Variants in SERTAD1 observed in about 807,000 individuals in gnomAD.
SERTAD1 encodes SERTA domain-containing protein 1.
In SERTAD1, 5 loss-of-function variants were observed where a neutral mutation model predicts 11.7. The ratio of observed to expected loss-of-function variants is 0.43; its 90% CI spans 0.22 to 0.90. SERTAD1 has a LOEUF of 0.90. SERTAD1 is among the 40% of genes least tolerant of loss of function. The pLI, the probability that SERTAD1 is intolerant of heterozygous loss-of-function variation, is 0.27. For missense variants in SERTAD1, 287 were observed against 313.9 expected (o/e 0.91, Z 0.65); for synonymous variants, 139 against 141.4 (o/e 0.98, Z 0.12).
chr19:40,423,592 C>G (rs754940445), intron 1 of SERTAD1, 46 bp from the exon 2 acceptor site: 8 of 1,275,308 alleles, frequency 6.3e-6, no homozygotes, highest in Non-Finnish European at 8.7e-6. Context: ...TTATAGAAAA[C>G]AAATGTTAAG....
chr19:40,422,686 T>G lies in SERTAD1; in HGVS notation c.*150A>C. 1.3e-6 allele frequency: 1 copy of G among 793,334 alleles called. No homozygotes were observed. The highest frequency in any genetic ancestry group is 2.8e-5 in the East Asian group (1 of 35,850). The allele number at this position is 793,334 out of a possible 1,614,324, so 49.1% of individuals were successfully genotyped here. ...GCCAGCCCTGAGACAGGAGGACGGATGTGAAGTTGCCCAGGACTAGATTCT... is the reference window on the plus strand; with the variant it reads ...GCCAGCCCTGAGACAGGAGGACGGAGGTGAAGTTGCCCAGGACTAGATTCT... On this transcript the variant is annotated 3_prime_UTR_variant, in exon 2 of 2. Transcript: ENST00000357949.
intron 1 of SERTAD1, among the ~76,000 whole-genome samples, chr19:40,424,628 G>A (rs1476018407): frequency 6.6e-6 from 1 of 152,206 alleles, no homozygotes. Context: ...CCTGTAAGGA[G>A]GTGACATTTG....
intron 1 of SERTAD1, among the ~76,000 whole-genome samples, chr19:40,423,857 G>A (rs1393524071): frequency 6.6e-6 from 1 of 151,900 alleles, no homozygotes; most frequent in Middle Eastern, 3.2e-3. Context: ...CTCCCCAAAA[G>A]CTAGGATTAC....
chr19:40,422,617 G>C lies in SERTAD1; in HGVS notation c.*219C>G. The C allele has an allele frequency of 1.8e-6, 1 of 563,014 alleles. No homozygotes were observed. Among genetic ancestry groups the C allele is most frequent in the Non-Finnish European group, 3.1e-6 (1 of 322,714 alleles). The allele number at this position is 563,014 out of a possible 1,614,324, so 34.9% of individuals were successfully genotyped here. ...GGGCCAGGGAATTCAGTCCCCACCAGACCCTGTCATTCCATCACTAGGGGG... is the reference window on the plus strand; with the variant it reads ...GGGCCAGGGAATTCAGTCCCCACCACACCCTGTCATTCCATCACTAGGGGG... On this transcript the variant is annotated 3_prime_UTR_variant, in exon 2 of 2. Transcript: ENST00000357949.
chr19:40,423,305 A>T lies in SERTAD1; in HGVS notation c.242T>A (p.Met81Lys), dbSNP rs142064816. 155 of 1,609,330 alleles carry T rather than the reference A, an allele frequency of 9.6e-5. No individual in the cohort carries two copies. The highest frequency in any genetic ancestry group is 1.7e-4 in the Middle Eastern group (1 of 6,040). Residue 81 changes from methionine to lysine, a missense_variant, in exon 2 of 2, where the codon ATG (methionine) becomes AAG (lysine). Physicochemically the swap from Met to Lys is moderately conservative, Grantham distance 95. Coordinates refer to ENST00000357949, the MANE Select transcript of SERTAD1 (RefSeq NM_013376.4). Reference protein sequence around the residue: ...VNTLRRIQASMAPAAALPPVP... With the variant: ...VNTLRRIQASKAPAAALPPVP... ...AGGTGGCAGGGCAGCCGCGGGTGCC[A>T]TGGACGCCTGGATGCGCCGCAGAGT... is the stretch of plus-strand genomic sequence containing the variant.
At chr19:40,424,081 T>A (rs1033977674) in intron 1 of SERTAD1, among the ~76,000 whole-genome samples, 2 of 152,130 alleles carry the variant, frequency 1.3e-5, no homozygotes, top group African/African-American at 4.8e-5. Flanking sequence ...TAGACTTTTT[T>A]ATCTGAAAAA....
Position 40,423,018 on chromosome 19 carries a change from T to C in SERTAD1, c.529A>G (p.Ile177Val), listed in dbSNP as rs2079603707. The C allele has an allele frequency of 6.3e-7, 1 of 1,577,208 alleles. No individual in the cohort carries two copies. The highest frequency in any genetic ancestry group is 8.6e-7 in the Non-Finnish European group (1 of 1,160,698). Residue 177 changes from isoleucine to valine, a missense_variant, in exon 2 of 2, where the codon ATT (isoleucine) becomes GTT (valine). Ile to Val is a conservative substitution (Grantham distance 29). Transcript: ENST00000357949. ...DDGLEGLFEDIDTSMYDNELW... is the reference protein window; with the variant it reads ...DDGLEGLFEDVDTSMYDNELW... ...TCATTGTCATACATAGAGGTGTCAA[T>C]ATCCTCAAACAGGCCCTCAAGCCCA...
In SERTAD1 at chr19:40,422,018, T is replaced by A. The variant is rs2079599854; in HGVS notation, c.*818A>T. 6.6e-6 allele frequency: 1 copy of A among 151,286 alleles called. No homozygotes were observed. Among genetic ancestry groups the A allele is most frequent in the Middle Eastern group, 3.2e-3 (1 of 316 alleles). The allele number at this position is 151,286 out of a possible 1,614,324, so 9.4% of individuals were successfully genotyped here. On this transcript the variant is annotated 3_prime_UTR_variant, in exon 2 of 2. Transcript: ENST00000357949. ...AAAAAATTAGTCGGTCCCAGCTAAT[T>A]GGGAGGCCGAGGCAGGAGAATCGTT...
At position 40,422,194 on chromosome 19, in the gene SERTAD1, T is replaced by G. The variant is rs2079600559; in HGVS notation, c.*642A>C. The G allele has an allele frequency of 6.7e-6, 1 of 148,866 alleles. No homozygotes were observed. Among genetic ancestry groups the G allele is most frequent in the African/African-American group, 2.5e-5 (1 of 40,268 alleles). The allele number at this position is 148,866 out of a possible 1,614,324, so 9.2% of individuals were successfully genotyped here. Reference sequence around the variant, plus strand: ...TCGCTTGAGCCCAGGAGTTTGAGGCTGTAGTGAGCCATGATCAGACCACTG... The same window carrying G: ...TCGCTTGAGCCCAGGAGTTTGAGGCGGTAGTGAGCCATGATCAGACCACTG... On this transcript the variant is annotated 3_prime_UTR_variant, in exon 2 of 2. Coordinates refer to ENST00000357949, the MANE Select transcript of SERTAD1 (RefSeq NM_013376.4).
In SERTAD1 at chr19:40,422,923, C is replaced by T. The variant is rs769674082; in HGVS notation, c.624G>A (p.Pro208=). Residue 208 remains proline (P), a synonymous_variant, in exon 2 of 2, where the codon CCG becomes CCA. Coordinates refer to ENST00000357949, the MANE Select transcript of SERTAD1 (RefSeq NM_013376.4). ...PEDGPGKEEA[P]ELDEAELDYL... Reference sequence around the variant, plus strand: ...AGTCCAATTCGGCCTCGTCCAGCTCCGGAGCTTCCTCCTTGCCCGGCCCAT... The same window carrying T: ...AGTCCAATTCGGCCTCGTCCAGCTCTGGAGCTTCCTCCTTGCCCGGCCCAT... 6.2e-6 allele frequency: 10 copies of T among 1,612,554 alleles called. No homozygotes were observed. In the South Asian group the frequency reaches 6.6e-5, roughly 11 times the overall value.
chr19:40,425,565 C>T (rs1438244363), intron 1 of SERTAD1, among the ~76,000 whole-genome samples: 2 of 152,196 alleles, frequency 1.3e-5, no homozygotes, highest in Non-Finnish European at 2.9e-5. Flanking sequence ...GCCGGGACCC[C>T]TGGCGGGCTG....
At position 40,422,714 on chromosome 19, in the gene SERTAD1, C is replaced by G; in HGVS notation, c.*122G>C. On this transcript the variant is annotated 3_prime_UTR_variant, in exon 2 of 2. Transcript: ENST00000357949. ...GAAGTTGCCCAGGACTAGATTCTGT[C>G]TCTCCAAAGTGGCCCAAGCCCTGTT... 8.9e-7 allele frequency: 1 copy of G among 1,118,882 alleles called. No homozygotes were observed. Among genetic ancestry groups the G allele is most frequent in the Non-Finnish European group, 1.2e-6 (1 of 812,526 alleles). The allele number at this position is 1,118,882 out of a possible 1,614,324, so 69.3% of individuals were successfully genotyped here.
chr19:40,424,910 A>C (rs1568724720), intron 1 of SERTAD1, among the ~76,000 whole-genome samples: 1 of 152,174 alleles, frequency 6.6e-6, no homozygotes, highest in Non-Finnish European at 1.5e-5. Flanking sequence ...GGCAGTCATT[A>C]AAGGAATTTG....
At chr19:40,423,795 C>T (rs1044557983) in intron 1 of SERTAD1, among the ~76,000 whole-genome samples, 1 of 151,940 alleles carries the variant, frequency 6.6e-6, no homozygotes, top group Non-Finnish European at 1.5e-5. Flanking sequence ...GCCGTGATCT[C>T]AGCTCATTGC....
rs1181072169 is a variant in SERTAD1 at position 40,422,239 on chromosome 19, G to C, written c.*597C>G. The stretch of plus-strand genomic sequence containing the variant: ...CCACTGTACTTCAACCTGGGTGACA[G>C]AGCGAGACCCTATCTCAAAAAAAAA... On this transcript the variant is annotated 3_prime_UTR_variant, in exon 2 of 2. Transcript: ENST00000357949. 6.9e-6 allele frequency: 1 copy of C among 145,814 alleles called. No homozygotes were observed. Among genetic ancestry groups the C allele is most frequent in the Non-Finnish European group, 1.5e-5 (1 of 67,020 alleles). 9.0% of individuals were successfully genotyped at this position (145,814 alleles called of 1,614,324 possible).
In SERTAD1 at chr19:40,423,226, C is replaced by T. The variant is rs750924856; in HGVS notation, c.321G>A (p.Ser107=). ...PSVADNLLAS[S]DAALSASMAS... is the part of the protein sequence containing the mutation. ...CCATGGAGGCTGAAAGGGCAGCGTC[C>T]GAGCTTGCCAGTAAGTTGTCAGCCA... is the stretch of plus-strand genomic sequence containing the variant. Residue 107 remains serine, a synonymous_variant, in exon 2 of 2, where the codon TCG becomes TCA. Coordinates refer to ENST00000357949, the MANE Select transcript of SERTAD1 (RefSeq NM_013376.4). 1.4e-5 allele frequency: 22 copies of T among 1,603,820 alleles called. No individual in the cohort carries two copies. The highest frequency in any genetic ancestry group is 3.3e-4 in the Middle Eastern group (2 of 6,050).
intron 1 of SERTAD1, among the ~76,000 whole-genome samples, chr19:40,424,175 CT>C (rs200131972): frequency 0.046 from 6,763 of 148,216 alleles, 502 homozygotes; most frequent in African/African-American, 0.16. Flanking sequence ...TCAATAAGTA[CT>C]TTTTTTTTTC....
chr19:40,423,553 A>C lies in SERTAD1; in HGVS notation c.1-7T>G. The C allele has an allele frequency of 6.6e-7, 1 of 1,524,274 alleles. No individual in the cohort carries two copies. Among genetic ancestry groups the C allele is most frequent in the Non-Finnish European group, 9.0e-7 (1 of 1,115,804 alleles). The allele number at this position is 1,524,274 out of a possible 1,614,324, so 94.4% of individuals were successfully genotyped here. On this transcript the variant is annotated splice_region_variant and splice_polypyrimidine_tract_variant and intron_variant, in intron 1 of 1. Transcript: ENST00000357949. The stretch of plus-strand genomic sequence containing the variant: ...TCAGACCCTTGCTCAGCATCTGCAG[A>C]GGGCAGGGAGTTATGGAGTTATAGT...
Position 40,422,255 on chromosome 19 carries a change from CAAA to C in SERTAD1, c.*578_*580del, listed in dbSNP as rs34418481. On this transcript the variant is annotated 3_prime_UTR_variant, in exon 2 of 2. Coordinates refer to ENST00000357949, the MANE Select transcript of SERTAD1 (RefSeq NM_013376.4). Reference sequence around the variant, plus strand: ...TGGGTGACAGAGCGAGACCCTATCTCAAAAAAAAAAAAAAAAAAGTTCATAATT... The same window carrying C: ...TGGGTGACAGAGCGAGACCCTATCTCAAAAAAAAAAAAAAAGTTCATAATT... 282 of 102,622 alleles carry C rather than the reference CAAA, an allele frequency of 2.7e-3. 2 individuals are homozygous for C. Among genetic ancestry groups the C allele is most frequent in the African/African-American group, 9.6e-3 (256 of 26,782 alleles). The allele number at this position is 102,622 out of a possible 1,614,324, so 6.4% of individuals were successfully genotyped here.
Sources: allele counts gnomAD v4.1 joint callset (sites outside exome capture counted in the v4.1 genomes callset), GRCh38; gene constraint gnomAD v4.1.1; transcripts MANE v1.5; gene names NCBI Gene and HGNC (gene_info 2026-07-23, HGNC 2026-07-21).